MLLT10: variants seen among roughly 807,000 people sequenced by gnomAD.
MLLT10 encodes the protein MLLT10 histone lysine methyltransferase DOT1L cofactor.
In MLLT10, 30 loss-of-function variants were observed where a neutral mutation model predicts 129.1. The ratio of observed to expected loss-of-function variants is 0.23; its 90% CI spans 0.17 to 0.32. The LOEUF (loss-of-function observed/expected upper bound fraction) is 0.32, where lower values mean the gene tolerates loss of function less well. MLLT10 is among the 10% of genes least tolerant of loss of function. The pLI is 1.00. For synonymous variants in MLLT10, 490 were observed against 446.4 expected (o/e 1.10, Z -1.23); for missense variants, 1,119 against 1,268.3 (o/e 0.88, Z 1.79).
intron 4 of MLLT10, among the ~76,000 whole-genome samples, chr10:21,592,566 C>T (rs2042613286): frequency 6.6e-6 from 1 of 152,086 alleles, no homozygotes; most frequent in South Asian, 2.1e-4. Flanking sequence ...ACGCCATTCT[C>T]CTGCCTCAGC....
intron 13 of MLLT10, among the ~76,000 whole-genome samples, chr10:21,697,831 C>T (rs2054518921): frequency 6.6e-6 from 1 of 152,072 alleles, no homozygotes; most frequent in Non-Finnish European, 1.5e-5. Flanking sequence ...TCATTAGTTG[C>T]CAAAGGGAAA....
intron 14 of MLLT10, among the ~76,000 whole-genome samples, chr10:21,717,634 CCTCCTT>C (rs1281133614): frequency 1.4e-5 from 2 of 138,970 alleles, no homozygotes; most frequent in East Asian, 2.2e-4. Context: ...TCCTCCTCCT[CCTCCTT>C]TTCCTCCTCC....
At chr10:21,563,774 G>A (rs2039161467) in intron 3 of MLLT10, among the ~76,000 whole-genome samples, 1 of 150,676 alleles carries the variant, frequency 6.6e-6, no homozygotes, top group Non-Finnish European at 1.5e-5. Context: ...TAGGCGGGTA[G>A]TGATATCTCA....
At chr10:21,632,907 A>G (rs1385131530) in intron 8 of MLLT10, among the ~76,000 whole-genome samples, 2 of 152,204 alleles carry the variant, frequency 1.3e-5, no homozygotes, top group African/African-American at 4.8e-5. Flanking sequence ...CAGTATTATA[A>G]TACATAACCT....
chr10:21,549,235 T>C (rs2036586957), intron 3 of MLLT10, among the ~76,000 whole-genome samples: 1 of 151,574 alleles, frequency 6.6e-6, no homozygotes, highest in Non-Finnish European at 1.5e-5. Context: ...GCAGTTCTCC[T>C]GCCTCAGCCT....
At chr10:21,674,355 G>A (rs984337533) in intron 11 of MLLT10, among the ~76,000 whole-genome samples, 5 of 151,686 alleles carry the variant, frequency 3.3e-5, no homozygotes, top group African/African-American at 9.7e-5. Context: ...TTTTCTAAAC[G>A]ACTCCTCACA....
At chr10:21,680,524 C>G (rs1282770694) in intron 11 of MLLT10, among the ~76,000 whole-genome samples, 2 of 152,054 alleles carry the variant, frequency 1.3e-5, no homozygotes, top group Non-Finnish European at 2.9e-5. Context: ...ATGAATGGTT[C>G]AAGATAGTGA....
At chr10:21,707,393 G>A (rs2055632208) in intron 13 of MLLT10, among the ~76,000 whole-genome samples, 2 of 151,630 alleles carry the variant, frequency 1.3e-5, no homozygotes, top group South Asian at 2.1e-4. Flanking sequence ...GGGTTTCACC[G>A]TGTTAGCCAG....
intron 14 of MLLT10, among the ~76,000 whole-genome samples, chr10:21,722,396 T>A (rs2057195595): frequency 6.6e-6 from 1 of 152,224 alleles, no homozygotes; most frequent in Non-Finnish European, 1.5e-5. Context: ...ATATTAGTAA[T>A]TTGCTTTCAA....
In MLLT10 at chr10:21,670,603, G is replaced by GGAA. The variant is rs754422326; in HGVS notation, c.954_956dup (p.Lys319dup). 6.2e-7 allele frequency: 1 copy of GGAA among 1,614,160 alleles called. No homozygotes were observed. Among genetic ancestry groups the GGAA allele is most frequent in the South Asian group, 1.1e-5 (1 of 91,080 alleles). On this transcript the variant is annotated inframe_insertion, in exon 10 of 23. Transcript: ENST00000307729. ...GAGACTAGAGGGTCAGAGGGCAAAGGGAAGAAATCTTCAGCTCACAGCTCA... is the reference window on the plus strand; with the variant it reads ...GAGACTAGAGGGTCAGAGGGCAAAGGGAAGAAGAAATCTTCAGCTCACAGCTCA...
At chr10:21,664,269 T>A (rs535032981) in intron 9 of MLLT10, among the ~76,000 whole-genome samples, 49 of 152,140 alleles carry the variant, frequency 3.2e-4, no homozygotes, top group African/African-American at 1.2e-3. Flanking sequence ...TGGATTATCT[T>A]GTTAAACATT....
At chr10:21,709,609 T>C (rs899212458) in intron 13 of MLLT10, among the ~76,000 whole-genome samples, 1 of 152,234 alleles carries the variant, frequency 6.6e-6, no homozygotes, top group Non-Finnish European at 1.5e-5. Context: ...ATCTATGGAG[T>C]AGCAACCTTT....
At chr10:21,661,473 T>A (rs992423217) in intron 9 of MLLT10, among the ~76,000 whole-genome samples, 1 of 152,248 alleles carries the variant, frequency 6.6e-6, no homozygotes, top group Non-Finnish European at 1.5e-5. Context: ...GATTGTTATG[T>A]CTTTTTGAAG....
chr10:21,588,627 G>C (rs1346061482), intron 4 of MLLT10, among the ~76,000 whole-genome samples: 1 of 151,986 alleles, frequency 6.6e-6, no homozygotes, highest in Non-Finnish European at 1.5e-5. Context: ...ACCAATATAT[G>C]TTCCCAGTTT....
At chr10:21,668,141 A>C (rs2051015960) in intron 9 of MLLT10, among the ~76,000 whole-genome samples, 1 of 152,152 alleles carries the variant, frequency 6.6e-6, no homozygotes, top group African/African-American at 2.4e-5. Flanking sequence ...GGTCCAATTT[A>C]CATTAAAAAT....
Position 21,733,865 on chromosome 10 carries a change from G to A in MLLT10, c.2594G>A (p.Ser865Asn), listed in dbSNP as rs1341671358. Reference sequence around the variant, plus strand: ...CCGGCTCAACAAGGCTCAGGAGTGAGTGGAGTTCAGCAGGTCAATGGCGTG... The same window carrying A: ...CCGGCTCAACAAGGCTCAGGAGTGAATGGAGTTCAGCAGGTCAATGGCGTG... ...QSPAQQGSGV[S>N]GVQQVNGVTV... Residue 865 changes from serine (S) to asparagine (N), a missense_variant, in exon 20 of 23, where the codon AGT (serine) becomes AAT (asparagine). Physicochemically the swap from Ser to Asn is conservative, Grantham distance 46. This residue lies in a region of MLLT10 where 1,004 missense variants were observed against 1,008.7 expected (regional missense o/e 1.00). Coordinates refer to ENST00000307729, the MANE Select transcript of MLLT10 (RefSeq NM_001195626.3). 6.2e-7 allele frequency: 1 copy of A among 1,614,086 alleles called. No individual in the cohort carries two copies. Among genetic ancestry groups the A allele is most frequent in the African/African-American group, 1.3e-5 (1 of 74,936 alleles).
chr10:21,711,681 G>A (rs372141445), intron 13 of MLLT10, among the ~76,000 whole-genome samples: 1 of 152,052 alleles, frequency 6.6e-6, no homozygotes, highest in East Asian at 1.9e-4. Context: ...GGAGGTCAAG[G>A]CTGCAGTGAG....
intron 8 of MLLT10, among the ~76,000 whole-genome samples, chr10:21,648,543 A>G (rs539045321): frequency 1.0e-3 from 156 of 152,346 alleles, no homozygotes; most frequent in African/African-American, 3.6e-3. Context: ...CAGAATGGGA[A>G]GTAGAATATA....
At chr10:21,594,502 G>T (rs1353964375) in intron 4 of MLLT10, among the ~76,000 whole-genome samples, 2 of 145,308 alleles carry the variant, frequency 1.4e-5, no homozygotes. Flanking sequence ...GCGGTGAGAC[G>T]AGATCGCGCC....
Sources: gnomAD v4.1 joint callset for allele counts (sites outside exome capture counted in the v4.1 genomes callset) on GRCh38, gnomAD v4.1.1 for gene constraint, gnomAD v4.1.1 regional missense constraint, MANE v1.5 for transcripts, NCBI Gene and HGNC (gene_info 2026-07-23, HGNC 2026-07-21) for gene names.